TMEM200A: variants seen among roughly 807,000 people sequenced by gnomAD.
TMEM200A encodes the protein two transmembrane C.
TMEM200A carries 12 observed loss-of-function variants against 24.3 expected under a neutral mutation model. The observed-to-expected ratio is 0.49, with a 90% CI of 0.32 to 0.80. The LOEUF (loss-of-function observed/expected upper bound fraction) is 0.80, where lower values mean the gene tolerates loss of function less well. Ranked by LOEUF, TMEM200A falls within the 30% of genes least tolerant of loss-of-function variation. The pLI, the probability that TMEM200A is intolerant of heterozygous loss-of-function variation, is 0.04. For missense variants in TMEM200A, 545 were observed against 614.4 expected (o/e 0.89, Z 1.19); for synonymous variants, 224 against 224.4 (o/e 1.00, Z 0.02).
chr6:130,439,940 A>G (rs1780112614), intron 2 of TMEM200A, among the ~76,000 whole-genome samples: 1 of 151,872 alleles, frequency 6.6e-6, no homozygotes, highest in Admixed American at 6.6e-5. Context: ...GTCAGTCTGG[A>G]GTGTTTGTTT....
chr6:130,402,806 C>G (rs756737591), intron 2 of TMEM200A, among the ~76,000 whole-genome samples: 21 of 152,056 alleles, frequency 1.4e-4, no homozygotes, highest in Non-Finnish European at 2.9e-4. Context: ...TGAAATATCC[C>G]TAACCTCTAT....
chr6:130,366,024 G>A lies in TMEM200A; in HGVS notation c.-581G>A, dbSNP rs930396099. ...GGTTTGGGGCTGGGATCCATCTGGA[G>A]CCGAGCAGAAAACTTTTCCCCTCCC... On this transcript the variant is annotated 5_prime_UTR_variant, in exon 1 of 3. Transcript: ENST00000296978. This position sits in a 1 kb window ranked among gnomAD's most constrained non-coding sequence, Gnocchi z 4.4. 3 of 985,450 alleles carry A rather than the reference G, an allele frequency of 3.0e-6. No homozygotes were observed. The highest frequency in any genetic ancestry group is 3.5e-5 in the African/African-American group (2 of 57,202). The allele number at this position is 985,450 out of a possible 1,614,324, so 61.0% of individuals were successfully genotyped here.
chr6:130,418,994 T>C (rs1019656192), intron 2 of TMEM200A, among the ~76,000 whole-genome samples: 3 of 152,180 alleles, frequency 2.0e-5, no homozygotes, highest in Admixed American at 6.6e-5. Context: ...TACTCTGCTA[T>C]TGAACATGAG....
intron 2 of TMEM200A, among the ~76,000 whole-genome samples, chr6:130,395,183 G>A (rs183989858): frequency 2.0e-5 from 3 of 152,232 alleles, no homozygotes; most frequent in Admixed American, 6.5e-5. Context: ...TCAGAAACAC[G>A]CACACAGAAG....
At chr6:130,416,048 G>T (rs574708503) in intron 2 of TMEM200A, among the ~76,000 whole-genome samples, 1 of 151,846 alleles carries the variant, frequency 6.6e-6, no homozygotes, top group African/African-American at 2.4e-5. Context: ...GCAGTTGGAC[G>T]CAGGCTTTTT....
In TMEM200A at chr6:130,441,586, G is replaced by C; in HGVS notation, c.1164G>C (p.Leu388Phe). ...ARRQFGSNTS[L>F]HLLSSHSKSL... ...GACAGTTTGGGTCCAATACATCCTT[G>C]CATTTGCTCTCGTCACACTCAAAGT... Residue 388 changes from leucine (L) to phenylalanine (F), a missense_variant, in exon 3 of 3, where the codon TTG becomes TTC. By Grantham distance (22) the Leu-to-Phe change is conservative. Transcript: ENST00000296978. 1 of 1,613,982 alleles carries C rather than the reference G, an allele frequency of 6.2e-7. No individual in the cohort carries two copies. Among genetic ancestry groups the C allele is most frequent in the South Asian group, 1.1e-5 (1 of 91,072 alleles).
chr6:130,370,006 A>G (rs1232102138), intron 1 of TMEM200A, among the ~76,000 whole-genome samples: 1 of 152,180 alleles, frequency 6.6e-6, no homozygotes, highest in Non-Finnish European at 1.5e-5. Context: ...GCAAAAAAGG[A>G]CTTACTGGCT....
intron 2 of TMEM200A, among the ~76,000 whole-genome samples, chr6:130,416,105 C>T (rs1779442983): frequency 6.6e-6 from 1 of 152,024 alleles, no homozygotes; most frequent in African/African-American, 2.4e-5. Context: ...TTACTTTATA[C>T]TAAATGCTAC....
intron 2 of TMEM200A, among the ~76,000 whole-genome samples, chr6:130,391,370 A>G (rs1778827434): frequency 6.6e-6 from 1 of 152,274 alleles, no homozygotes; most frequent in South Asian, 2.1e-4. Context: ...ACCTTCTCAG[A>G]TCTTTCTCTT....
At chr6:130,387,580 A>G (rs1448259174) in intron 2 of TMEM200A, among the ~76,000 whole-genome samples, 1 of 152,160 alleles carries the variant, frequency 6.6e-6, no homozygotes, top group Non-Finnish European at 1.5e-5. Flanking sequence ...GTCTGGATAG[A>G]GTTCTTAAAA....
At position 130,441,404 on chromosome 6, in the gene TMEM200A, G is replaced by C. The variant is rs752889827; in HGVS notation, c.982G>C (p.Val328Leu). 6.2e-7 allele frequency: 1 copy of C among 1,614,104 alleles called. No homozygotes were observed. Among genetic ancestry groups the C allele is most frequent in the East Asian group, 2.2e-5 (1 of 44,836 alleles). ...AAGGAATTTGTCAATGGATTCCCTT[G>C]TGGTTCCTTTGCCCAACACCAGTGA... ...RSRNLSMDSL[V>L]VPLPNTSESF... is the part of the protein sequence containing the mutation. Residue 328 changes from valine (V) to leucine (L), a missense_variant, in exon 3 of 3, where the codon GTG becomes CTG. Val to Leu is a conservative substitution (Grantham distance 32). Coordinates refer to ENST00000296978, the MANE Select transcript of TMEM200A (RefSeq NM_001258277.2).
At chr6:130,386,916 C>G (rs2115100629) in intron 2 of TMEM200A, among the ~76,000 whole-genome samples, 1 of 152,322 alleles carries the variant, frequency 6.6e-6, no homozygotes, top group African/African-American at 2.4e-5. Context: ...TACTCCCAGG[C>G]ACTCTTTCAT....
At chr6:130,367,988 C>T (rs1306384217) in intron 1 of TMEM200A, among the ~76,000 whole-genome samples, 2 of 152,200 alleles carry the variant, frequency 1.3e-5, no homozygotes, top group Non-Finnish European at 2.9e-5. Flanking sequence ...CACAGAAAGG[C>T]TTCACCTGTT....
chr6:130,423,108 A>AT (rs1562567720), intron 2 of TMEM200A, among the ~76,000 whole-genome samples: 8 of 152,210 alleles, frequency 5.3e-5, no homozygotes, highest in Non-Finnish European at 1.2e-4. Context: ...GGTAATACTT[A>AT]ATAGATGAGG....
At chr6:130,418,800 T>G (rs574511374) in intron 2 of TMEM200A, among the ~76,000 whole-genome samples, 1 of 152,216 alleles carries the variant, frequency 6.6e-6, no homozygotes, top group East Asian at 1.9e-4. Flanking sequence ...ATATATAATA[T>G]TTTACATATT....
At chr6:130,420,838 C>A (rs1779565059) in intron 2 of TMEM200A, among the ~76,000 whole-genome samples, 1 of 152,020 alleles carries the variant, frequency 6.6e-6, no homozygotes, top group Admixed American at 6.6e-5. Context: ...TGAAATCCCA[C>A]GCTTGTTGTC....
At position 130,442,091 on chromosome 6, in the gene TMEM200A, C is replaced by A. The variant is rs568938120; in HGVS notation, c.*193C>A. 4.2e-5 allele frequency: 19 copies of A among 451,730 alleles called. No homozygotes were observed. In the South Asian group the frequency reaches 1.3e-3, roughly 30 times the overall value. 28.0% of individuals were successfully genotyped at this position (451,730 alleles called of 1,614,324 possible). On this transcript the variant is annotated 3_prime_UTR_variant, in exon 3 of 3. Coordinates refer to ENST00000296978, the MANE Select transcript of TMEM200A (RefSeq NM_001258277.2). ...GTGACTGCAGTACTCTATGTTACCA[C>A]ACATGATTTTATTTTTCTCTTCCTT...
chr6:130,380,469 G>C (rs1778571112), intron 1 of TMEM200A, among the ~76,000 whole-genome samples: 1 of 152,194 alleles, frequency 6.6e-6, no homozygotes, highest in African/African-American at 2.4e-5. Flanking sequence ...AGAAGTGATT[G>C]AATAGCTAGC....
At chr6:130,398,074 G>T (rs1375899781) in intron 2 of TMEM200A, among the ~76,000 whole-genome samples, 2 of 151,962 alleles carry the variant, frequency 1.3e-5, no homozygotes, top group Non-Finnish European at 2.9e-5. Context: ...CTATCACCCA[G>T]GTAGTGATAT....
Sources: gnomAD v4.1 joint callset for allele counts (sites outside exome capture counted in the v4.1 genomes callset) on GRCh38, gnomAD v4.1.1 for gene constraint, Gnocchi (gnomAD v3.1) non-coding constraint, MANE v1.5 for transcripts, NCBI Gene and HGNC (gene_info 2026-07-23, HGNC 2026-07-21) for gene names.